Variants in MYO3A observed in about 807,000 individuals in gnomAD.
The protein encoded by MYO3A is myosin-IIIa.
In MYO3A, 180 loss-of-function variants were observed where a neutral mutation model predicts 192.7. That is an observed-to-expected ratio of 0.93 (90% CI 0.83 to 1.06). MYO3A has a LOEUF of 1.06. MYO3A is among the 50% of genes least tolerant of loss of function. The pLI, the probability that MYO3A is intolerant of heterozygous loss-of-function variation, is 0.00. For synonymous variants in MYO3A, 628 were observed against 645.3 expected (o/e 0.97, Z 0.41); for missense variants, 1,896 against 1,905.0 (o/e 1.00, Z 0.09).
intron 20 of MYO3A, among the ~76,000 whole-genome samples, chr10:26,133,103 A>G (rs558628602): frequency 6.6e-6 from 1 of 152,344 alleles, no homozygotes; most frequent in South Asian, 2.1e-4. Context: ...TGTTTTGCTC[A>G]AAAGTGTGAA....
intron 20 of MYO3A, among the ~76,000 whole-genome samples, chr10:26,135,154 A>G (rs1713984442): frequency 6.6e-6 from 1 of 152,186 alleles, no homozygotes; most frequent in Non-Finnish European, 1.5e-5. Context: ...GACCAGAGTA[A>G]AGGGCTTCTG....
chr10:25,950,157 A>T (rs1393310413), intron 2 of MYO3A, among the ~76,000 whole-genome samples: 1 of 152,168 alleles, frequency 6.6e-6, no homozygotes, highest in Non-Finnish European at 1.5e-5. Context: ...TTGAACTGAG[A>T]TCTACAGGAC....
At chr10:26,101,492 C>T (rs1292541827) in intron 17 of MYO3A, among the ~76,000 whole-genome samples, 2 of 152,312 alleles carry the variant, frequency 1.3e-5, no homozygotes, top group South Asian at 2.1e-4. Context: ...TTCCTAGCGT[C>T]GATGGTCTTT....
rs766066900 is a variant in MYO3A, at chr10:26,174,349, G to C, written c.4085G>C (p.Arg1362Thr). ...FIQSKYRGYK[R>T]RQQLRKDKMS... is the part of the protein sequence containing the mutation. ...CAGAGCAAATACCGGGGTTACAAGAGAAGGCAGCAGTTGAGGAAGGACAAG... is the reference window on the plus strand; with the variant it reads ...CAGAGCAAATACCGGGGTTACAAGACAAGGCAGCAGTTGAGGAAGGACAAG... The change falls in exon 30 of 35, where the codon AGA becomes ACA. Residue 1362 changes from arginine to threonine, a missense_variant. Arg to Thr is a moderately conservative substitution (Grantham distance 71). Coordinates refer to ENST00000642920, the MANE Select transcript of MYO3A (RefSeq NM_017433.5). The C allele has an allele frequency of 6.2e-7, 1 of 1,614,174 alleles. No individual in the cohort carries two copies. The highest frequency in any genetic ancestry group is 8.5e-7 in the Non-Finnish European group (1 of 1,180,040).
At position 26,077,413 on chromosome 10, in the gene MYO3A, T is replaced by C. The variant is rs187150944; in HGVS notation, c.1359+7012T>C. Among the ~76,000 whole-genome samples, 609 of 151,856 alleles carry C rather than the reference T, an allele frequency of 4.0e-3. 6 individuals carry two copies. Among genetic ancestry groups the C allele is most frequent in the African/African-American group, 0.014 (574 of 41,434 alleles). The stretch of plus-strand genomic sequence containing the variant: ...AGTTTTCTGGAGGAGTCCTTAGGGT[T>C]TTCAAGGTAAATTATCATATCATCA... On this transcript the variant is annotated intron_variant, in intron 14 of 34. Transcript: ENST00000642920.
intron 4 of MYO3A, among the ~76,000 whole-genome samples, chr10:25,974,471 C>CTGCGGAGAGCTTTGGAGTTCTTT (rs1838857031): frequency 1.3e-5 from 2 of 152,188 alleles, no homozygotes; most frequent in Admixed American, 1.3e-4. Context: ...GTCAGAACCA[C>CTGCGGAGAGCTTTGGAGTTCTTT]TGCGGAGAGC....
intron 10 of MYO3A, among the ~76,000 whole-genome samples, chr10:26,037,688 G>C (rs1191535881): frequency 6.6e-6 from 1 of 152,186 alleles, no homozygotes; most frequent in Non-Finnish European, 1.5e-5. Flanking sequence ...ATGAAGTAAA[G>C]AGGTTTAATT....
intron 17 of MYO3A, among the ~76,000 whole-genome samples, chr10:26,108,668 T>C (rs966367337): frequency 1.3e-5 from 2 of 152,198 alleles, no homozygotes; most frequent in Admixed American, 1.3e-4. Context: ...TTTGGCATAT[T>C]CTCCAAATAG....
At position 26,082,785 on chromosome 10, in the gene MYO3A, C is replaced by A. The variant is rs571985213; in HGVS notation, c.1360-5418C>A. 1.6e-4 allele frequency among the ~76,000 whole-genome samples: 24 copies of A among 150,506 alleles called. No homozygotes were observed. In the South Asian group the frequency reaches 4.8e-3, roughly 30 times the overall value. ...CTCTCTCTCTCTCTCTCTCAGAATA[C>A]CTTAGTTTCACTTGTTTCAGGGGAT... is the stretch of plus-strand genomic sequence containing the variant. On this transcript the variant is annotated intron_variant, in intron 14 of 34. Coordinates refer to ENST00000642920, the MANE Select transcript of MYO3A (RefSeq NM_017433.5).
At chr10:25,985,397 A>T (rs982108383) in intron 4 of MYO3A, among the ~76,000 whole-genome samples, 1 of 152,002 alleles carries the variant, frequency 6.6e-6, no homozygotes, top group Non-Finnish European at 1.5e-5. Flanking sequence ...TGAAACAAAC[A>T]AACAAACAAA....
At chr10:26,184,085 G>A (rs566906267) in intron 31 of MYO3A, among the ~76,000 whole-genome samples, 10 of 152,280 alleles carry the variant, frequency 6.6e-5, no homozygotes, top group South Asian at 4.1e-4. Context: ...GAACATGTCC[G>A]TCGGTGCTAA....
chr10:26,130,152 T>C (rs1478778217), intron 20 of MYO3A, among the ~76,000 whole-genome samples: 1 of 152,062 alleles, frequency 6.6e-6, no homozygotes, highest in Non-Finnish European at 1.5e-5. Flanking sequence ...TCACCCAGGC[T>C]GTAGTGCAGT....
intron 4 of MYO3A, among the ~76,000 whole-genome samples, chr10:25,991,936 G>A (rs149232483): frequency 0.011 from 1,724 of 152,300 alleles, 38 homozygotes; most frequent in African/African-American, 0.037. Flanking sequence ...ATAGTTTGAA[G>A]TCAGGTAGCG....
chr10:26,099,149 G>A (rs188516823), intron 17 of MYO3A, among the ~76,000 whole-genome samples: 3 of 152,208 alleles, frequency 2.0e-5, no homozygotes, highest in African/African-American at 7.2e-5. Context: ...TGGATTCCTA[G>A]ATATTTTATT....
At chr10:26,129,510 A>G (rs1218588346) in intron 20 of MYO3A, among the ~76,000 whole-genome samples, 1 of 152,176 alleles carries the variant, frequency 6.6e-6, no homozygotes, top group Non-Finnish European at 1.5e-5. Flanking sequence ...AGCAAACAGA[A>G]TAAAAAACAA....
chr10:25,970,094 A>G (rs1838528725), intron 4 of MYO3A, among the ~76,000 whole-genome samples: 1 of 152,150 alleles, frequency 6.6e-6, no homozygotes, highest in South Asian at 2.1e-4. Context: ...AGAAATAGTC[A>G]TATCCTCAAT....
intron 6 of MYO3A, among the ~76,000 whole-genome samples, chr10:26,000,955 A>G (rs1009798698): frequency 1.3e-5 from 2 of 152,180 alleles, no homozygotes; most frequent in Non-Finnish European, 2.9e-5. Context: ...ACATCTTACT[A>G]TGGTGGCTGG....
chr10:25,943,503 C>A (rs924022879), intron 2 of MYO3A, among the ~76,000 whole-genome samples: 5 of 152,102 alleles, frequency 3.3e-5, no homozygotes, highest in African/African-American at 1.2e-4. Flanking sequence ...ATCTTCTAAT[C>A]CATGAACACA....
intron 28 of MYO3A, among the ~76,000 whole-genome samples, chr10:26,170,134 CA>C (rs1841973323): frequency 6.6e-6 from 1 of 152,174 alleles, no homozygotes; most frequent in Non-Finnish European, 1.5e-5. Context: ...GAATTTTAAG[CA>C]AATGAGCACA....
Sources: allele counts gnomAD v4.1 joint callset (sites outside exome capture counted in the v4.1 genomes callset), GRCh38; gene constraint gnomAD v4.1.1; transcripts MANE v1.5; gene names NCBI Gene and HGNC (gene_info 2026-07-23, HGNC 2026-07-21).